GRM5: variants seen among roughly 807,000 people sequenced by gnomAD.
GRM5 encodes metabotropic glutamate receptor 5.
A neutral mutation model predicts 83.1 loss-of-function variants in GRM5; 19 were observed. The ratio of observed to expected loss-of-function variants is 0.23; its 90% CI spans 0.16 to 0.34. The LOEUF (loss-of-function observed/expected upper bound fraction) is 0.34, where lower values mean the gene tolerates loss of function less well. Ranked by LOEUF, GRM5 falls within the 10% of genes least tolerant of loss-of-function variation. The pLI is 1.00. For missense variants in GRM5, 1,160 were observed against 1,588.3 expected, an observed-to-expected ratio of 0.73 and a Z score of 4.58; for synonymous variants, 675 against 633.6, an observed-to-expected ratio of 1.07 and a Z score of -0.98.
intron 3 of GRM5, among the ~76,000 whole-genome samples, chr11:88,663,790 C>G (rs533352962): frequency 1.1e-4 from 16 of 152,248 alleles, no homozygotes; most frequent in African/African-American, 3.8e-4. Flanking sequence ...GAAGGCCAAA[C>G]AGCCTCTGAG....
chr11:88,506,910 C>T lies in GRM5; in HGVS notation c.*1682G>A, dbSNP rs1269476108. 1 of 151,452 alleles carries T rather than the reference C, an allele frequency of 6.6e-6. No individual in the cohort carries two copies. Among genetic ancestry groups the T allele is most frequent in the African/African-American group, 2.5e-5 (1 of 40,768 alleles). 9.4% of individuals were successfully genotyped at this position (151,452 alleles called of 1,614,324 possible). A position where few individuals can be genotyped will look rare whatever the true frequency, so the allele number is the denominator to read the frequency against. On this transcript the variant is annotated 3_prime_UTR_variant, in exon 10 of 10. Transcript: ENST00000305447. ...AAGTTTTATTTATTATTCTCTCTGC[C>T]AAAATATACTTCTGCCTCACAGCAC...
chr11:89,065,036 T>C (rs1405573679), intron 1 of GRM5, among the ~76,000 whole-genome samples: 1 of 151,120 alleles, frequency 6.6e-6, no homozygotes, highest in Non-Finnish European at 1.5e-5. Context: ...CTTGAGTTTA[T>C]AGGTCCAGAG....
intron 2 of GRM5, among the ~76,000 whole-genome samples, chr11:88,906,998 A>T (rs142320007): frequency 0.021 from 3,227 of 152,076 alleles, 117 homozygotes; most frequent in African/African-American, 0.075. Flanking sequence ...AGTTAAAAAG[A>T]GTTCCTTTGA....
intron 2 of GRM5, among the ~76,000 whole-genome samples, chr11:88,855,709 G>T (rs899600633): frequency 1.8e-4 from 27 of 151,828 alleles, no homozygotes; most frequent in Admixed American, 6.6e-5. Context: ...AATGAGTTAA[G>T]GTACTAAGTA....
At chr11:88,610,611 C>G (rs182523836) in intron 4 of GRM5, among the ~76,000 whole-genome samples, 301 of 152,178 alleles carry the variant, frequency 2.0e-3, no homozygotes, top group African/African-American at 6.9e-3. Flanking sequence ...GTTCTAGAAG[C>G]CTTCTGGTGC....
Position 88,863,216 on chromosome 11 carries a change from G to T in GRM5, c.662-13061C>A, listed in dbSNP as rs188300693. ...AAGATAGTATGGCAATTCCTCAAAGGTCTAGAGTCGAAATGTCATTTGACC... is the reference window on the plus strand; with the variant it reads ...AAGATAGTATGGCAATTCCTCAAAGTTCTAGAGTCGAAATGTCATTTGACC... On this transcript the variant is annotated intron_variant, in intron 2 of 9. Coordinates refer to ENST00000305447, the MANE Select transcript of GRM5 (RefSeq NM_001143831.3). 3.3e-5 allele frequency among the ~76,000 whole-genome samples: 5 copies of T among 152,084 alleles called. No homozygotes were observed. In the East Asian group the frequency reaches 9.7e-4, roughly 29 times the overall value.
At chr11:88,709,868 T>C (rs769957601) in intron 3 of GRM5, among the ~76,000 whole-genome samples, 8 of 152,084 alleles carry the variant, frequency 5.3e-5, no homozygotes, top group Non-Finnish European at 1.0e-4. Flanking sequence ...CTGTTCTCAA[T>C]AGGAAACAAC....
intron 2 of GRM5, among the ~76,000 whole-genome samples, chr11:88,980,701 T>C (rs1939493662): frequency 6.6e-6 from 1 of 152,130 alleles, no homozygotes; most frequent in East Asian, 1.9e-4. Flanking sequence ...CAGGTGCCTG[T>C]AGTCCCAGCT....
chr11:88,884,464 C>T (rs1166057105), intron 2 of GRM5, among the ~76,000 whole-genome samples: 2 of 152,156 alleles, frequency 1.3e-5, no homozygotes, highest in African/African-American at 4.8e-5. Context: ...TGCCTTGTCT[C>T]AGATGAGACT....
At chr11:88,673,085 T>C (rs1460705895) in intron 3 of GRM5, among the ~76,000 whole-genome samples, 4 of 152,012 alleles carry the variant, frequency 2.6e-5, no homozygotes, top group Non-Finnish European at 5.9e-5. Context: ...AAATTTAAAA[T>C]GTGAACATGA....
chr11:88,650,540 G>T (rs1939603756), intron 4 of GRM5, among the ~76,000 whole-genome samples: 1 of 151,832 alleles, frequency 6.6e-6, no homozygotes, highest in African/African-American at 2.4e-5. Context: ...GAAAAAACCA[G>T]GTATTAACAA....
At chr11:88,534,876 C>A (rs1057352722) in intron 8 of GRM5, among the ~76,000 whole-genome samples, 5 of 152,160 alleles carry the variant, frequency 3.3e-5, no homozygotes, top group African/African-American at 1.2e-4. Flanking sequence ...ATACTGTTCT[C>A]ATGGTAGTGA....
intron 2 of GRM5, among the ~76,000 whole-genome samples, chr11:88,988,477 A>C (rs950045638): frequency 6.6e-6 from 1 of 152,190 alleles, no homozygotes; most frequent in African/African-American, 2.4e-5. Context: ...CTAACAAGGC[A>C]GGCCAACATT....
At chr11:88,645,760 T>C (rs955475590) in intron 4 of GRM5, among the ~76,000 whole-genome samples, 4 of 151,912 alleles carry the variant, frequency 2.6e-5, no homozygotes, top group Non-Finnish European at 5.9e-5. Context: ...TGAGGGACAA[T>C]AAAAATTATA....
rs745929544 is a variant in GRM5 at position 88,653,297 on chromosome 11, AATC to A, written c.1015_1017del (p.Asp339del). ...GTTTCTGGCCGGAGCTTCAGATAAT[AATC>A]ATCAAACCACTTGACATCGGGAGAT... On this transcript the variant is annotated inframe_deletion, in exon 4 of 10. Coordinates refer to ENST00000305447, the MANE Select transcript of GRM5 (RefSeq NM_001143831.3). The A allele has an allele frequency of 6.2e-7, 1 of 1,613,162 alleles. No individual in the cohort carries two copies. The highest frequency in any genetic ancestry group is 1.1e-5 in the South Asian group (1 of 91,068).
intron 3 of GRM5, among the ~76,000 whole-genome samples, chr11:88,707,422 A>G (rs1416314058): frequency 6.6e-6 from 1 of 151,700 alleles, no homozygotes; most frequent in Non-Finnish European, 1.5e-5. Flanking sequence ...ATGCATAACT[A>G]CTCCACTTCT....
chr11:88,797,459 AT>A (rs1421193258), intron 3 of GRM5, among the ~76,000 whole-genome samples: 1 of 152,188 alleles, frequency 6.6e-6, no homozygotes, highest in East Asian at 1.9e-4. Flanking sequence ...GTTTTTAATT[AT>A]AAACCCACTT....
chr11:88,762,142 A>T (rs954010057), intron 3 of GRM5, among the ~76,000 whole-genome samples: 1 of 152,116 alleles, frequency 6.6e-6, no homozygotes, highest in Non-Finnish European at 1.5e-5. Flanking sequence ...AGATTTTATG[A>T]CAAAGACACC....
At chr11:88,948,876 G>A (rs934216075) in intron 2 of GRM5, among the ~76,000 whole-genome samples, 2 of 152,186 alleles carry the variant, frequency 1.3e-5, no homozygotes, top group African/African-American at 4.8e-5. Context: ...TTAAAGGCAA[G>A]TGCAAATAAA....
Sources: gnomAD v4.1 joint callset for allele counts (sites outside exome capture counted in the v4.1 genomes callset) on GRCh38, gnomAD v4.1.1 for gene constraint, MANE v1.5 for transcripts, NCBI Gene and HGNC (gene_info 2026-07-23, HGNC 2026-07-21) for gene names.